ST3GAL3: variants seen among roughly 807,000 people sequenced by gnomAD.
ST3GAL3 encodes the protein ST3 beta-galactoside alpha-2,3-sialyltransferase 3, also known as CMP-N-acetylneuraminate-beta-1,4-galactoside alpha-2,3-sialyltransferase.
In ST3GAL3, 21 loss-of-function variants were observed where a neutral mutation model predicts 50.1. That is an observed-to-expected ratio of 0.42 (90% CI 0.30 to 0.60). ST3GAL3 has a LOEUF of 0.60. ST3GAL3 is among the 20% of genes least tolerant of loss of function. The pLI is 0.19. For missense variants in ST3GAL3, 353 were observed against 489.4 expected (o/e 0.72, Z 2.63); for synonymous variants, 183 against 190.0 (o/e 0.96, Z 0.30).
intron 3 of ST3GAL3, among the ~76,000 whole-genome samples, chr1:43,809,055 C>T (rs1045136653): frequency 5.3e-5 from 8 of 152,044 alleles, no homozygotes; most frequent in South Asian, 2.1e-4. Context: ...TATCCTGTCC[C>T]CAACAAGGTA....
chr1:43,717,484 T>C (rs1667946917), intron 1 of ST3GAL3, among the ~76,000 whole-genome samples: 1 of 151,726 alleles, frequency 6.6e-6, no homozygotes, highest in Admixed American at 6.6e-5. Flanking sequence ...ATTTTGTTTT[T>C]CTTTTTTCTT....
At chr1:43,872,850 C>A (rs1410562062) in intron 5 of ST3GAL3, among the ~76,000 whole-genome samples, 1 of 152,108 alleles carries the variant, frequency 6.6e-6, no homozygotes, top group Non-Finnish European at 1.5e-5. Context: ...TGGGAAAGAC[C>A]TTCATGGGAA....
intron 6 of ST3GAL3, among the ~76,000 whole-genome samples, chr1:43,894,821 GAC>G (rs1477417312): frequency 1.3e-5 from 2 of 151,876 alleles, no homozygotes; most frequent in Admixed American, 1.3e-4. Flanking sequence ...TTTTAGTAGA[GAC>G]AGGGTTTTAC....
chr1:43,912,335 G>A (rs538475136), intron 9 of ST3GAL3: 7 of 152,280 alleles, frequency 4.6e-5, no homozygotes, highest in Non-Finnish European at 1.0e-4. Flanking sequence ...AGGAGAGGAT[G>A]ATGAGACTTA....
intron 1 of ST3GAL3, among the ~76,000 whole-genome samples, chr1:43,733,834 C>T (rs1676989911): frequency 6.6e-6 from 1 of 152,188 alleles, no homozygotes. Context: ...GAACCTCTTT[C>T]ACCGGGCGTG....
At chr1:43,783,975 A>C (rs889217069) in intron 2 of ST3GAL3, among the ~76,000 whole-genome samples, 1 of 152,166 alleles carries the variant, frequency 6.6e-6, no homozygotes, top group African/African-American at 2.4e-5. Context: ...AATAGATTGT[A>C]TGGACTGGTT....
chr1:43,898,082 C>A lies in ST3GAL3; in HGVS notation c.398-153C>A, dbSNP rs76395914. 3.4e-3 allele frequency: 2,706 copies of A among 785,936 alleles called. 45 individuals are homozygous for A. The African/African-American group carries it at 0.04, about 12-fold the overall frequency. 48.7% of individuals were successfully genotyped at this position (785,936 alleles called of 1,614,324 possible). On this transcript the variant is annotated intron_variant, in intron 6 of 11. Transcript: ENST00000347631. Reference sequence around the variant, plus strand: ...TCCTTTCTCAGGAAGAAAGTCAGGGCAGTGGCCCAATACATCCTTGTGTCC... The same window carrying A: ...TCCTTTCTCAGGAAGAAAGTCAGGGAAGTGGCCCAATACATCCTTGTGTCC...
intron 9 of ST3GAL3, among the ~76,000 whole-genome samples, chr1:43,908,969 C>T (rs1355875738): frequency 3.9e-5 from 6 of 152,194 alleles, no homozygotes; most frequent in Non-Finnish European, 8.8e-5. Context: ...ACTCTCCACT[C>T]TGGCTATATG....
intron 3 of ST3GAL3, among the ~76,000 whole-genome samples, chr1:43,812,369 G>A (rs1298947238): frequency 2.0e-5 from 3 of 152,212 alleles, no homozygotes; most frequent in African/African-American, 7.2e-5. Flanking sequence ...TTCCCTCTGG[G>A]CTCTGACGCT....
chr1:43,753,567 T>G (rs1265394577), intron 2 of ST3GAL3, among the ~76,000 whole-genome samples: 1 of 152,230 alleles, frequency 6.6e-6, no homozygotes, highest in Non-Finnish European at 1.5e-5. Context: ...GTGGGAGGAA[T>G]GCAGACAGGT....
chr1:43,862,353 A>T (rs2070206638), intron 5 of ST3GAL3, among the ~76,000 whole-genome samples: 1 of 152,096 alleles, frequency 6.6e-6, no homozygotes, highest in Non-Finnish European at 1.5e-5. Context: ...CCACATTATA[A>T]TTCCCTCCTG....
Position 43,855,499 on chromosome 1 carries a change from A to G in ST3GAL3, c.302+17188A>G, listed in dbSNP as rs916942703. 2.6e-5 allele frequency among the ~76,000 whole-genome samples: 4 copies of G among 151,886 alleles called. No homozygotes were observed. In the East Asian group the frequency reaches 7.7e-4, roughly 29 times the overall value. Reference sequence around the variant, plus strand: ...GTGGTGGGCACCTGTAATCCCAACTACTCGGGAGGCTGAGGCAGGAGAATC... The same window carrying G: ...GTGGTGGGCACCTGTAATCCCAACTGCTCGGGAGGCTGAGGCAGGAGAATC... On this transcript the variant is annotated intron_variant, in intron 5 of 11. Coordinates refer to ENST00000347631, the MANE Select transcript of ST3GAL3 (RefSeq NM_006279.5).
intron 5 of ST3GAL3, among the ~76,000 whole-genome samples, chr1:43,866,507 C>A (rs973709870): frequency 3.3e-5 from 5 of 151,756 alleles, no homozygotes; most frequent in Non-Finnish European, 7.4e-5. Flanking sequence ...TCCCCTAAGC[C>A]CAAGAAGTTG....
intron 9 of ST3GAL3, chr1:43,920,091 C>G (rs1488654631): frequency 1.4e-5 from 6 of 417,510 alleles, no homozygotes; most frequent in Non-Finnish European, 2.7e-5. Flanking sequence ...CTTATTGGCC[C>G]AGGAGCCCCC....
At chr1:43,795,331 A>G (rs940257326) in intron 3 of ST3GAL3, among the ~76,000 whole-genome samples, 3 of 152,248 alleles carry the variant, frequency 2.0e-5, no homozygotes, top group African/African-American at 2.4e-5. Context: ...AGTGGAAGAT[A>G]GATCAAGTTG....
chr1:43,868,632 C>T (rs962060675), intron 5 of ST3GAL3, among the ~76,000 whole-genome samples: 1 of 152,138 alleles, frequency 6.6e-6, no homozygotes, highest in African/African-American at 2.4e-5. Flanking sequence ...CCCTTACCCC[C>T]TTGAGTCTAC....
At chr1:43,879,168 T>A (rs2074655343) in intron 5 of ST3GAL3, 1 of 444,440 alleles carries the variant, frequency 2.3e-6, no homozygotes, top group South Asian at 1.6e-5. Flanking sequence ...CTTGGAAAGA[T>A]GCAGAGCCGT....
chr1:43,889,769 G>A (rs914254891), intron 5 of ST3GAL3, among the ~76,000 whole-genome samples: 1 of 152,142 alleles, frequency 6.6e-6, no homozygotes, highest in African/African-American at 2.4e-5. Context: ...GTCAAATATA[G>A]TAGGTAAACA....
chr1:43,820,786 C>G (rs2061995340), intron 4 of ST3GAL3, among the ~76,000 whole-genome samples: 1 of 152,142 alleles, frequency 6.6e-6, no homozygotes, highest in Non-Finnish European at 1.5e-5. Context: ...GAAGGCAGAA[C>G]TTTTTGTTGG....
Sources: gnomAD v4.1 joint callset for allele counts (sites outside exome capture counted in the v4.1 genomes callset) on GRCh38, gnomAD v4.1.1 for gene constraint, MANE v1.5 for transcripts, NCBI Gene and HGNC (gene_info 2026-07-23, HGNC 2026-07-21) for gene names.